Variants in TEAD4 observed in about 807,000 individuals in gnomAD.
TEAD4 encodes the protein transcriptional enhancer factor TEF-3.
In TEAD4, 36 loss-of-function variants were observed where a neutral mutation model predicts 52.4. The ratio of observed to expected loss-of-function variants is 0.69; its 90% CI spans 0.53 to 0.91. The LOEUF is 0.91. Ranked by LOEUF, TEAD4 falls within the 40% of genes least tolerant of loss-of-function variation. TEAD4 has a pLI of 0.00. For missense variants in TEAD4, 508 were observed against 583.9 expected (o/e 0.87, Z 1.34); for synonymous variants, 220 against 231.0 (o/e 0.95, Z 0.43).
intron 10 of TEAD4, among the ~76,000 whole-genome samples, chr12:3,033,057 G>A (rs1031799214): frequency 6.6e-6 from 1 of 152,060 alleles, no homozygotes; most frequent in Non-Finnish European, 1.5e-5. Flanking sequence ...CGCCTCTCCC[G>A]GAGCCTTTCT....
At chr12:3,000,610 AT>A (rs751977709) in intron 3 of TEAD4, among the ~76,000 whole-genome samples, 26 of 152,094 alleles carry the variant, frequency 1.7e-4, no homozygotes, top group Admixed American at 5.2e-4. Flanking sequence ...CACATGGGGG[AT>A]TACATTTCAA....
chr12:3,003,702 G>C (rs2098253531), intron 3 of TEAD4, among the ~76,000 whole-genome samples: 2 of 152,150 alleles, frequency 1.3e-5, no homozygotes, highest in South Asian at 4.1e-4. Flanking sequence ...CTGACAGATG[G>C]ACAGATGGGC....
At chr12:3,035,600 T>C (rs1476813272) in intron 10 of TEAD4, among the ~76,000 whole-genome samples, 3 of 152,062 alleles carry the variant, frequency 2.0e-5, no homozygotes, top group Admixed American at 6.5e-5. Flanking sequence ...GGTGAGAGGA[T>C]CACTTGAGGT....
intron 11 of TEAD4, 120 bp from the exon 12 acceptor site, chr12:3,039,987 G>C: frequency 7.3e-7 from 1 of 1,367,484 alleles, no homozygotes; most frequent in Non-Finnish European, 1.0e-6. Flanking sequence ...GCCCCTGGCT[G>C]GGGGTGACTC....
intron 11 of TEAD4, among the ~76,000 whole-genome samples, chr12:3,038,489 A>G (rs2098280743): frequency 6.6e-6 from 1 of 152,232 alleles, no homozygotes; most frequent in Non-Finnish European, 1.5e-5. Context: ...CACACAGCTC[A>G]TTAGTGCAGA....
chr12:2,962,752 C>T (rs1358980356), intron 2 of TEAD4, among the ~76,000 whole-genome samples: 2 of 152,186 alleles, frequency 1.3e-5, no homozygotes, highest in Non-Finnish European at 1.5e-5. Context: ...AGGCGTGAGC[C>T]ACTGCGCCTG....
intron 2 of TEAD4, among the ~76,000 whole-genome samples, chr12:2,968,306 G>C (rs113485438): frequency 6.7e-6 from 1 of 148,618 alleles, no homozygotes; most frequent in African/African-American, 2.5e-5. Context: ...GGCTGGTCTC[G>C]AACTCCCGAC....
intron 2 of TEAD4, among the ~76,000 whole-genome samples, chr12:2,975,242 GA>G (rs2098228589): frequency 6.6e-6 from 1 of 150,896 alleles, no homozygotes; most frequent in South Asian, 2.1e-4. Flanking sequence ...GCAGAAAGTA[GA>G]CTTCCCGTAG....
intron 9 of TEAD4, among the ~76,000 whole-genome samples, chr12:3,021,558 A>C (rs908361986): frequency 6.6e-6 from 1 of 152,016 alleles, no homozygotes; most frequent in Non-Finnish European, 1.5e-5. Flanking sequence ...TGATCCACCC[A>C]CTTCGGCCTC....
At chr12:2,974,558 G>T (rs1012746466) in intron 2 of TEAD4, among the ~76,000 whole-genome samples, 2 of 152,178 alleles carry the variant, frequency 1.3e-5, no homozygotes, top group Admixed American at 6.5e-5. Flanking sequence ...TGCTTAGGGC[G>T]TAGGGCTGGA....
rs138002285 is a variant in TEAD4 at position 3,004,946 on chromosome 12, G to A, written c.227-6058G>A. Among the ~76,000 whole-genome samples the A allele has an allele frequency of 3.9e-5, 6 of 152,156 alleles. No individual in the cohort carries two copies. In the East Asian group the frequency reaches 9.6e-4, roughly 24 times the overall value. On this transcript the variant is annotated intron_variant, in intron 3 of 12. Transcript: ENST00000359864. ...GACACCCCACACTTCACTCCCTCAC[G>A]GGGGGTTCTCAACTGCCGGCATCAC...
chr12:3,014,986 T>C (rs4759430), intron 5 of TEAD4, among the ~76,000 whole-genome samples: 37,048 of 152,216 alleles, frequency 0.24, 5,349 homozygotes, highest in Admixed American at 0.33. Context: ...CTGGGCACTT[T>C]CCTCCTGAAA....
intron 10 of TEAD4, among the ~76,000 whole-genome samples, chr12:3,031,121 G>A (rs990734235): frequency 6.6e-6 from 1 of 152,238 alleles, no homozygotes; most frequent in Non-Finnish European, 1.5e-5. Flanking sequence ...CTCCCGTCCA[G>A]CCCCGGTTGT....
intron 10 of TEAD4, among the ~76,000 whole-genome samples, chr12:3,022,313 A>G (rs1458135491): frequency 1.3e-5 from 2 of 151,924 alleles, no homozygotes; most frequent in Non-Finnish European, 2.9e-5. Context: ...AGTTCCAGAA[A>G]AAGACAAACG....
chr12:3,006,147 A>G (rs2098255770), intron 3 of TEAD4, among the ~76,000 whole-genome samples: 1 of 152,230 alleles, frequency 6.6e-6, no homozygotes, highest in Non-Finnish European at 1.5e-5. Flanking sequence ...TACCCCATAA[A>G]TACAGGTTGA....
intron 10 of TEAD4, 31 bp downstream of exon 10, chr12:3,022,048 C>T: frequency 6.2e-7 from 1 of 1,609,748 alleles, no homozygotes; most frequent in Non-Finnish European, 8.5e-7. Flanking sequence ...TCTTTCCTGC[C>T]ACCAGCGTGT....
intron 5 of TEAD4, among the ~76,000 whole-genome samples, chr12:3,014,907 C>T (rs2098263185): frequency 6.6e-6 from 1 of 152,238 alleles, no homozygotes; most frequent in Non-Finnish European, 1.5e-5. Flanking sequence ...GTGCCGAGGT[C>T]TTCGGGCTCG....
At chr12:2,987,132 G>A (rs1203615200) in intron 2 of TEAD4, among the ~76,000 whole-genome samples, 2 of 152,196 alleles carry the variant, frequency 1.3e-5, no homozygotes, top group Non-Finnish European at 2.9e-5. Flanking sequence ...GAGATGCCTG[G>A]TAGGCAGTTT....
intron 2 of TEAD4, among the ~76,000 whole-genome samples, chr12:2,962,290 T>A (rs1199311105): frequency 2.1e-4 from 10 of 48,250 alleles, no homozygotes; most frequent in Admixed American, 7.1e-4. Flanking sequence ...ATATATTTAT[T>A]TATATATATA....
Sources: allele counts gnomAD v4.1 joint callset (sites outside exome capture counted in the v4.1 genomes callset), GRCh38; gene constraint gnomAD v4.1.1; transcripts MANE v1.5; gene names NCBI Gene and HGNC (gene_info 2026-07-23, HGNC 2026-07-21).